The following TRPC5 variants were observed in gnomAD, a reference collection of about 807,000 sequenced individuals.
TRPC5 encodes short transient receptor potential channel 5.
TRPC5 carries 9 observed loss-of-function variants against 56.5 expected under a neutral mutation model. The ratio of observed to expected loss-of-function variants is 0.16; its 90% CI spans 0.10 to 0.28. The LOEUF (loss-of-function observed/expected upper bound fraction) is 0.28. Ranked by LOEUF, TRPC5 falls within the 10% of genes least tolerant of loss-of-function variation. The pLI, the probability that TRPC5 is intolerant of heterozygous loss-of-function variation, is 1.00. For missense variants in TRPC5, 469 were observed against 748.9 expected (o/e 0.63, Z 4.36); for synonymous variants, 282 against 278.5 (o/e 1.01, Z -0.13).
rs748146421 is a variant in TRPC5 at position 111,886,144 on chromosome X, G to T, written c.900+26147C>A. Among the ~76,000 whole-genome samples the T allele has an allele frequency of 2.7e-5, 3 of 111,622 alleles. No homozygotes were observed. The South Asian group carries it at 1.2e-3, about 44-fold the overall frequency. ...AAAATATAAAAAATAGTTGGGCATG[G>T]TGGTGGGCGCCTGTAATCCCAGCTA... On this transcript the variant is annotated intron_variant, in intron 3 of 10. Transcript: ENST00000262839.
At chrX:111,951,706 C>G (rs2108414) in intron 2 of TRPC5, among the ~76,000 whole-genome samples, 6,495 of 111,280 alleles carry the variant, frequency 0.058, 481 homozygotes, top group African/African-American at 0.2. Context: ...AGAATATAAC[C>G]TTTGAGTAGA....
At chrX:111,933,343 A>G (rs1926473810) in intron 2 of TRPC5, among the ~76,000 whole-genome samples, 1 of 111,287 alleles carries the variant, frequency 9.0e-6, no homozygotes, top group South Asian at 3.8e-4. Flanking sequence ...CTGGGGTGAA[A>G]ATGAGACAAA....
chrX:111,921,310 A>T (rs189560633), intron 2 of TRPC5, among the ~76,000 whole-genome samples: 2 of 111,893 alleles, frequency 1.8e-5, no homozygotes, highest in East Asian at 5.6e-4. Flanking sequence ...TTATAAAAAC[A>T]GTTGACAGGC....
At chrX:111,926,263 A>C (rs1453837084) in intron 2 of TRPC5, among the ~76,000 whole-genome samples, 1 of 111,580 alleles carries the variant, frequency 9.0e-6, no homozygotes, top group Non-Finnish European at 1.9e-5. Flanking sequence ...CTGGAAGGAG[A>C]GAGTAAGAAT....
intron 1 of TRPC5, among the ~76,000 whole-genome samples, chrX:112,054,607 G>A (rs756206970): frequency 3.6e-5 from 4 of 111,233 alleles, no homozygotes; most frequent in Non-Finnish European, 5.7e-5. Context: ...TGGGGTGGGC[G>A]TGAGAGAGGT....
chrX:112,067,575 A>G (rs1374274531), intron 1 of TRPC5, among the ~76,000 whole-genome samples: 1 of 111,123 alleles, frequency 9.0e-6, no homozygotes, highest in African/African-American at 3.3e-5. Context: ...GGACTTCCGT[A>G]TCTGTCTGGA....
At chrX:112,035,093 A>ATT (rs764233585) in intron 1 of TRPC5, among the ~76,000 whole-genome samples, 1,132 of 104,290 alleles carry the variant, frequency 0.011, 17 homozygotes, top group African/African-American at 0.04. Context: ...TTTTTTTAAA[A>ATT]AAAAAAAAAT....
chrX:111,955,453 G>C (rs571217476), intron 1 of TRPC5, among the ~76,000 whole-genome samples: 1 of 112,146 alleles, frequency 8.9e-6, no homozygotes, highest in South Asian at 3.7e-4. Context: ...GTGAAGTGAT[G>C]GAGGGTAAAG....
intron 1 of TRPC5, among the ~76,000 whole-genome samples, chrX:112,045,745 AG>A (rs1930002041): frequency 8.9e-6 from 1 of 112,044 alleles, no homozygotes; most frequent in African/African-American, 3.2e-5. Flanking sequence ...GAGGCAGTTA[AG>A]GGTTTATTAT....
chrX:112,059,890 T>C (rs1569530374), intron 1 of TRPC5, among the ~76,000 whole-genome samples: 2 of 111,913 alleles, frequency 1.8e-5, no homozygotes, highest in Non-Finnish European at 3.8e-5. Context: ...GAAGTGATAT[T>C]AAGGTATGAG....
intron 2 of TRPC5, among the ~76,000 whole-genome samples, chrX:111,916,533 G>A (rs1259448661): frequency 8.9e-6 from 1 of 111,893 alleles, no homozygotes; most frequent in African/African-American, 3.2e-5. Flanking sequence ...CTATAATGAG[G>A]GTTAGAAGAT....
rs1290687693 is a variant in TRPC5 at position 111,775,296 on chromosome X, A to G, written c.*1017T>C. The G allele has an allele frequency of 8.9e-6, 1 of 112,193 alleles. No homozygotes were observed. The highest frequency in any genetic ancestry group is 3.2e-5 in the African/African-American group (1 of 30,883). The allele number at this position is 112,193 out of a possible 1,213,427, so 9.2% of individuals were successfully genotyped here. Reference sequence around the variant, plus strand: ...TATAAAGCAGTTAATTAAAATGAAGATGCTCTTTTCTCATATTTTGACACT... The same window carrying G: ...TATAAAGCAGTTAATTAAAATGAAGGTGCTCTTTTCTCATATTTTGACACT... On this transcript the variant is annotated 3_prime_UTR_variant, in exon 11 of 11. Coordinates refer to ENST00000262839, the MANE Select transcript of TRPC5 (RefSeq NM_012471.3).
At chrX:111,805,646 A>ATATCTATC (rs758683447) in intron 7 of TRPC5, among the ~76,000 whole-genome samples, 4 of 111,457 alleles carry the variant, frequency 3.6e-5, no homozygotes, top group East Asian at 2.8e-4. Context: ...TAAATTACAG[A>ATATCTATC]TATCTATCTA....
chrX:111,852,753 A>C (rs933183457), intron 4 of TRPC5, among the ~76,000 whole-genome samples: 2 of 111,489 alleles, frequency 1.8e-5, no homozygotes, highest in Admixed American at 9.6e-5. Flanking sequence ...CCATTTTGGA[A>C]TGGGAATAAT....
chrX:112,008,440 G>GA (rs969266084), intron 1 of TRPC5, among the ~76,000 whole-genome samples: 12 of 107,118 alleles, frequency 1.1e-4, no homozygotes, highest in Middle Eastern at 9.5e-3. Flanking sequence ...AAATACAAAA[G>GA]AAAAAAAAAA....
intron 1 of TRPC5, among the ~76,000 whole-genome samples, chrX:112,055,030 G>C (rs777488878): frequency 5.4e-5 from 6 of 111,472 alleles, no homozygotes; most frequent in Non-Finnish European, 9.4e-5. Flanking sequence ...AATAAGGAGG[G>C]GTTGATGAAA....
intron 7 of TRPC5, among the ~76,000 whole-genome samples, chrX:111,804,151 A>G (rs1187856371): frequency 1.8e-5 from 2 of 111,944 alleles, no homozygotes; most frequent in Non-Finnish European, 3.8e-5. Context: ...GTCAAAGATC[A>G]GATGGTTGTA....
At chrX:111,950,248 C>T (rs1297866517) in intron 2 of TRPC5, among the ~76,000 whole-genome samples, 3 of 110,360 alleles carry the variant, frequency 2.7e-5, no homozygotes, top group African/African-American at 9.9e-5. Flanking sequence ...TGGCATCAAC[C>T]CAGGAGGTGG....
At chrX:111,904,562 G>A (rs1925517640) in intron 3 of TRPC5, among the ~76,000 whole-genome samples, 1 of 110,725 alleles carries the variant, frequency 9.0e-6, no homozygotes, top group African/African-American at 3.3e-5. Flanking sequence ...ATGTTCCCTC[G>A]TATAAGTGGG....
Sources: allele counts gnomAD v4.1 joint callset (sites outside exome capture counted in the v4.1 genomes callset), GRCh38; gene constraint gnomAD v4.1.1; transcripts MANE v1.5; gene names NCBI Gene and HGNC (gene_info 2026-07-23, HGNC 2026-07-21).